SNTB1: variants seen among roughly 807,000 people sequenced by gnomAD.
SNTB1 encodes beta-1-syntrophin.
In SNTB1, 36 loss-of-function variants were observed where a neutral mutation model predicts 48.9. The observed-to-expected ratio is 0.74, with a 90% CI of 0.56 to 0.97. The LOEUF (loss-of-function observed/expected upper bound fraction) is 0.97, where lower values mean the gene tolerates loss of function less well. Among genes scored for constraint, SNTB1 ranks in the 50% least tolerant of loss-of-function variants. The pLI is 0.00. For synonymous variants in SNTB1, 299 were observed against 294.6 expected (o/e 1.01, Z -0.15); for missense variants, 786 against 703.4 (o/e 1.12, Z -1.33).
chr8:120,800,391 T>A (rs776751382), intron 1 of SNTB1, among the ~76,000 whole-genome samples: 2 of 152,088 alleles, frequency 1.3e-5, no homozygotes, highest in Admixed American at 1.3e-4. Context: ...AAATTATCCA[T>A]CCAGTGAGAG....
chr8:120,803,325 T>C (rs1026726465), intron 1 of SNTB1, among the ~76,000 whole-genome samples: 1 of 152,150 alleles, frequency 6.6e-6, no homozygotes, highest in African/African-American at 2.4e-5. Flanking sequence ...TGTTAGGGCA[T>C]TGATTTTGTG....
intron 1 of SNTB1, among the ~76,000 whole-genome samples, chr8:120,715,619 G>A (rs547661709): frequency 1.3e-5 from 2 of 152,278 alleles, no homozygotes; most frequent in East Asian, 1.9e-4. Context: ...TGGGAGACTC[G>A]ATAAAGTTTC....
chr8:120,620,707 T>C (rs561934681), intron 3 of SNTB1, among the ~76,000 whole-genome samples: 1 of 144,342 alleles, frequency 6.9e-6, no homozygotes, highest in South Asian at 2.3e-4. Context: ...CTGACACTAT[T>C]GACTTCAGGT....
intron 1 of SNTB1, among the ~76,000 whole-genome samples, chr8:120,727,518 G>A (rs1376931798): frequency 6.6e-6 from 1 of 152,152 alleles, no homozygotes; most frequent in East Asian, 1.9e-4. Flanking sequence ...GATCACATTG[G>A]CGCAGTGCTT....
chr8:120,694,428 CA>C (rs1360815973), intron 1 of SNTB1, among the ~76,000 whole-genome samples: 2 of 150,434 alleles, frequency 1.3e-5, no homozygotes, highest in Non-Finnish European at 3.0e-5. Flanking sequence ...TGTGTAATAG[CA>C]AAAAAAATTA....
chr8:120,812,045 C>T lies in SNTB1; in HGVS notation c.-202G>A, dbSNP rs936384631. ...TGCACTCAGGCTGGTTCCCCCTCGCCTGATCCTGACCGGGGTGGAGCAACC... is the reference window on the plus strand; with the variant it reads ...TGCACTCAGGCTGGTTCCCCCTCGCTTGATCCTGACCGGGGTGGAGCAACC... On this transcript the variant is annotated 5_prime_UTR_variant, in exon 1 of 7. Coordinates refer to ENST00000517992, the MANE Select transcript of SNTB1 (RefSeq NM_021021.4). 1.7e-5 allele frequency: 21 copies of T among 1,252,398 alleles called. No homozygotes were observed. The South Asian group carries it at 6.6e-4, about 39-fold the overall frequency. 77.6% of individuals were successfully genotyped at this position (1,252,398 alleles called of 1,614,324 possible).
intron 1 of SNTB1, among the ~76,000 whole-genome samples, chr8:120,752,334 C>T (rs888604872): frequency 2.0e-5 from 3 of 151,990 alleles, no homozygotes; most frequent in African/African-American, 7.2e-5. Flanking sequence ...TTTAAAAAAT[C>T]ACATTTTTGT....
chr8:120,536,579 A>G lies in SNTB1; in HGVS notation c.*2298T>C, dbSNP rs949737573. 45 of 152,212 alleles carry G rather than the reference A, an allele frequency of 3.0e-4. No individual in the cohort carries two copies. Among genetic ancestry groups the G allele is most frequent in the African/African-American group, 1.0e-3 (43 of 41,456 alleles). 9.4% of individuals were successfully genotyped at this position (152,212 alleles called of 1,614,324 possible). A position where few individuals can be genotyped will look rare whatever the true frequency, so the allele number is the denominator to read the frequency against. On this transcript the variant is annotated 3_prime_UTR_variant, in exon 7 of 7. Coordinates refer to ENST00000517992, the MANE Select transcript of SNTB1 (RefSeq NM_021021.4). ...TTTTAACTTGGGGGAAAAATGATTCATATACACAATTATCTTAGTCAAATT... is the reference window on the plus strand; with the variant it reads ...TTTTAACTTGGGGGAAAAATGATTCGTATACACAATTATCTTAGTCAAATT...
chr8:120,738,375 C>A (rs573100842), intron 1 of SNTB1, among the ~76,000 whole-genome samples: 1 of 152,304 alleles, frequency 6.6e-6, no homozygotes, highest in African/African-American at 2.4e-5. Context: ...CTAAAGTACT[C>A]TTTGGATGAA....
chr8:120,585,470 A>G (rs1188574466), intron 3 of SNTB1, among the ~76,000 whole-genome samples: 2 of 152,222 alleles, frequency 1.3e-5, no homozygotes, highest in Non-Finnish European at 2.9e-5. Flanking sequence ...TTAATAATCA[A>G]AACTCTTTAT....
rs1013489949 is a variant in SNTB1 at position 120,755,175 on chromosome 8, A to T, written c.571+56098T>A. Among the ~76,000 whole-genome samples, 22 of 99,052 alleles carry T rather than the reference A, an allele frequency of 2.2e-4. No homozygotes were observed. The South Asian group carries it at 3.5e-3, about 16-fold the overall frequency. 65.0% of individuals were successfully genotyped at this position (99,052 alleles called of 152,430 possible). The stretch of plus-strand genomic sequence containing the variant: ...GTGTGTGTGTGTGTGTGTGTGTGAG[A>T]GAGAGAGAGAGAGCGAGAGAGAGAG... On this transcript the variant is annotated intron_variant, in intron 1 of 6. Coordinates refer to ENST00000517992, the MANE Select transcript of SNTB1 (RefSeq NM_021021.4).
rs1042489968 is a variant in SNTB1, at chr8:120,536,741, C to T, written c.*2136G>A. The T allele has an allele frequency of 2.0e-5, 3 of 151,982 alleles. No individual in the cohort carries two copies. The highest frequency in any genetic ancestry group is 4.4e-5 in the Non-Finnish European group (3 of 67,974). 9.4% of individuals were successfully genotyped at this position (151,982 alleles called of 1,614,324 possible). A position where few individuals can be genotyped will look rare whatever the true frequency, so the allele number is the denominator to read the frequency against. On this transcript the variant is annotated 3_prime_UTR_variant, in exon 7 of 7. Transcript: ENST00000517992. ...AATGTAGTTTCCATTGACCCCCACA[C>T]AGATATTAATCAGCCCAAAGCTTAA...
At chr8:120,649,903 G>A (rs1817381980) in intron 2 of SNTB1, among the ~76,000 whole-genome samples, 1 of 152,208 alleles carries the variant, frequency 6.6e-6, no homozygotes, top group Admixed American at 6.5e-5. Context: ...GAAAAGCGCA[G>A]TATTCGGGTG....
chr8:120,720,245 C>G (rs1008861684), intron 1 of SNTB1, among the ~76,000 whole-genome samples: 1 of 152,252 alleles, frequency 6.6e-6, no homozygotes, highest in Admixed American at 6.5e-5. Flanking sequence ...AGGCTGTCCT[C>G]TCCCTCCAGC....
intron 2 of SNTB1, among the ~76,000 whole-genome samples, chr8:120,662,164 CAAAT>C (rs918359798): frequency 4.6e-5 from 7 of 152,080 alleles, no homozygotes; most frequent in African/African-American, 7.2e-5. Context: ...CAAGCACAAA[CAAAT>C]AAATCAGCTA....
intron 1 of SNTB1, among the ~76,000 whole-genome samples, chr8:120,736,925 ATC>A (rs1012987303): frequency 3.3e-5 from 5 of 151,932 alleles, no homozygotes; most frequent in Admixed American, 2.0e-4. Flanking sequence ...CTCTCTCTCC[ATC>A]TCTCTCTCTT....
rs1224788278 is a variant in SNTB1, at chr8:120,541,899, T to A, written c.1435A>T (p.Ile479Leu). The A allele has an allele frequency of 2.5e-6, 4 of 1,614,014 alleles. No homozygotes were observed. Among genetic ancestry groups the A allele is most frequent in the Non-Finnish European group, 2.5e-6 (3 of 1,179,884 alleles). ...PQEGAFPKTI[I>L]QSPYEKLKMS... ...TTGAGCTTTTCATAAGGAGACTGTA[T>A]GATGGTCTTGGGAAAGGCACCCTCC... The change falls in exon 6 of 7, where the codon ATA becomes TTA. Residue 479 changes from isoleucine (I) to leucine (L), a missense_variant. Physicochemically the swap from Ile to Leu is conservative, Grantham distance 5. Transcript: ENST00000517992.
intron 1 of SNTB1, among the ~76,000 whole-genome samples, chr8:120,697,338 G>GA (rs1256474606): frequency 1.3e-5 from 2 of 152,090 alleles, no homozygotes; most frequent in South Asian, 2.1e-4. Context: ...AATAAAGACA[G>GA]AAAAAAATAA....
At chr8:120,753,113 A>G (rs1819251682) in intron 1 of SNTB1, among the ~76,000 whole-genome samples, 2 of 152,040 alleles carry the variant, frequency 1.3e-5, no homozygotes, top group South Asian at 2.1e-4. Context: ...CTGGAGGAAC[A>G]TCACAGTTGG....
Sources: allele counts gnomAD v4.1 joint callset (sites outside exome capture counted in the v4.1 genomes callset), GRCh38; gene constraint gnomAD v4.1.1; transcripts MANE v1.5; gene names NCBI Gene and HGNC (gene_info 2026-07-23, HGNC 2026-07-21).